Variants in SYT16 observed in about 807,000 individuals in gnomAD.
The protein encoded by SYT16 is synaptotagmin-16.
SYT16 carries 42 observed loss-of-function variants against 61.4 expected under a neutral mutation model. The observed-to-expected ratio is 0.68, with a 90% confidence interval of 0.53 to 0.89. SYT16 has a LOEUF of 0.89. Among genes scored for constraint, SYT16 ranks in the 40% least tolerant of loss-of-function variants. The probability of loss-of-function intolerance (pLI) is 0.00; values close to 1 mark genes in which losing one functional copy is unlikely to be tolerated. For synonymous variants in SYT16, 314 were observed against 302.3 expected (o/e 1.04, Z -0.40); for missense variants, 804 against 807.3 (o/e 1.00, Z 0.05).
intron 1 of SYT16, among the ~76,000 whole-genome samples, chr14:61,914,733 C>A (rs2049055119): frequency 6.6e-6 from 1 of 152,198 alleles, no homozygotes; most frequent in South Asian, 2.1e-4. Context: ...ATTGCTTTTA[C>A]CCAGTTATAA....
intron 3 of SYT16, among the ~76,000 whole-genome samples, chr14:62,023,767 G>A (rs1243103830): frequency 6.6e-6 from 1 of 152,114 alleles, no homozygotes; most frequent in African/African-American, 2.4e-5. Context: ...GCTTTTGTGG[G>A]ATGGTTATTC....
At chr14:61,940,317 G>C (rs2050157919) in intron 1 of SYT16, among the ~76,000 whole-genome samples, 1 of 150,596 alleles carries the variant, frequency 6.6e-6, no homozygotes, top group South Asian at 2.1e-4. Context: ...CCAAATTCTT[G>C]TTCCTCTCTC....
At chr14:62,083,046 T>C (rs2056762612) in intron 6 of SYT16, among the ~76,000 whole-genome samples, 1 of 152,082 alleles carries the variant, frequency 6.6e-6, no homozygotes, top group Non-Finnish European at 1.5e-5. Context: ...TAAGCAAATA[T>C]TTCATTGTTG....
At chr14:62,000,258 C>A (rs576297505) in intron 3 of SYT16, among the ~76,000 whole-genome samples, 2 of 151,378 alleles carry the variant, frequency 1.3e-5, no homozygotes, top group Non-Finnish European at 3.0e-5. Context: ...CTGTTAAGTA[C>A]GTACATGTAT....
chr14:61,975,352 T>A lies in SYT16; in HGVS notation c.-145+5041T>A, dbSNP rs2051743099. Among the ~76,000 whole-genome samples, 4 of 152,126 alleles carry A rather than the reference T, an allele frequency of 2.6e-5. No homozygotes were observed. The South Asian group carries it at 6.2e-4, about 24-fold the overall frequency. Reference sequence around the variant, plus strand: ...CAGACTAAACATTGCCTGACCCCAGTGGCCAAGATCTTAATTGCCTCATGT... The same window carrying A: ...CAGACTAAACATTGCCTGACCCCAGAGGCCAAGATCTTAATTGCCTCATGT... On this transcript the variant is annotated intron_variant, in intron 2 of 7. Transcript: ENST00000683842.
At chr14:62,019,844 A>C (rs1363088971) in intron 3 of SYT16, among the ~76,000 whole-genome samples, 1 of 152,196 alleles carries the variant, frequency 6.6e-6, no homozygotes, top group Non-Finnish European at 1.5e-5. Flanking sequence ...TGAGCTGCCC[A>C]CTACATCATT....
At chr14:61,858,707 G>C (rs1417796123) in intron 1 of SYT16, among the ~76,000 whole-genome samples, 1 of 152,112 alleles carries the variant, frequency 6.6e-6, no homozygotes, top group Non-Finnish European at 1.5e-5. Context: ...TTCTTCTCAA[G>C]AATGAAAAAC....
chr14:62,005,607 T>C (rs2053190547), intron 3 of SYT16, among the ~76,000 whole-genome samples: 1 of 152,132 alleles, frequency 6.6e-6, no homozygotes, highest in African/African-American at 2.4e-5. Flanking sequence ...CCCACTTCTT[T>C]CCATTTCACA....
At chr14:61,952,921 TCA>T (rs1376853132) in intron 1 of SYT16, among the ~76,000 whole-genome samples, 1 of 152,186 alleles carries the variant, frequency 6.6e-6, no homozygotes, top group Admixed American at 6.5e-5. Flanking sequence ...TTTTTATATT[TCA>T]CAGTTTCAGA....
At chr14:61,902,263 C>G (rs941835143) in intron 1 of SYT16, among the ~76,000 whole-genome samples, 1 of 152,132 alleles carries the variant, frequency 6.6e-6, no homozygotes. Context: ...AAATTACTTG[C>G]GATTCTCTCA....
chr14:61,989,632 G>A (rs1396296673), intron 2 of SYT16, among the ~76,000 whole-genome samples: 1 of 152,204 alleles, frequency 6.6e-6, no homozygotes, highest in Non-Finnish European at 1.5e-5. Flanking sequence ...TGCAAGAGTA[G>A]TGATTTTCCT....
rs970144320 is a variant in SYT16 at position 61,877,329 on chromosome 14, T to G, written c.-325+64519T>G. Among the ~76,000 whole-genome samples, 3 of 152,164 alleles carry G rather than the reference T, an allele frequency of 2.0e-5. No individual in the cohort carries two copies. The East Asian group carries it at 5.8e-4, about 29-fold the overall frequency. On this transcript the variant is annotated intron_variant, in intron 1 of 7. Coordinates refer to ENST00000683842, the MANE Select transcript of SYT16 (RefSeq NM_001367656.1). ...ACACACACTCCCACAGTCCGACAGT[T>G]AGGTCTGGGGTCAGGCAGGGAGGCA... is the stretch of plus-strand genomic sequence containing the variant.
chr14:62,082,681 C>T (rs1208761863), intron 6 of SYT16, among the ~76,000 whole-genome samples: 4 of 152,114 alleles, frequency 2.6e-5, no homozygotes, highest in East Asian at 3.9e-4. Context: ...TAAAGCACAT[C>T]GGAAATGATG....
At chr14:62,053,058 C>T (rs2055383183) in intron 3 of SYT16, among the ~76,000 whole-genome samples, 1 of 152,218 alleles carries the variant, frequency 6.6e-6, no homozygotes, top group Admixed American at 6.5e-5. Context: ...GAAGTACATG[C>T]TAGAAGACGC....
chr14:62,066,926 T>G (rs1328929831), intron 3 of SYT16, among the ~76,000 whole-genome samples: 1 of 151,918 alleles, frequency 6.6e-6, no homozygotes, highest in Admixed American at 6.6e-5. Flanking sequence ...GAACAGAAAA[T>G]TGTTTCACAG....
At position 62,107,020 on chromosome 14, in the gene SYT16, G is replaced by T. The variant is rs1251239432; in HGVS notation, c.*6313G>T. On this transcript the variant is annotated 3_prime_UTR_variant, in exon 8 of 8. Transcript: ENST00000683842. ...ACCAGTTTTACCTTGAGGATGATGAGAAGGCTGACTTCCTATTGTATTGCC... is the reference window on the plus strand; with the variant it reads ...ACCAGTTTTACCTTGAGGATGATGATAAGGCTGACTTCCTATTGTATTGCC... 4 of 151,746 alleles carry T rather than the reference G, an allele frequency of 2.6e-5. No homozygotes were observed. Among genetic ancestry groups the T allele is most frequent in the African/African-American group, 7.3e-5 (3 of 41,250 alleles). 9.4% of individuals were successfully genotyped at this position (151,746 alleles called of 1,614,324 possible).
At chr14:62,048,896 C>G (rs2055130649) in intron 3 of SYT16, among the ~76,000 whole-genome samples, 1 of 152,072 alleles carries the variant, frequency 6.6e-6, no homozygotes, top group South Asian at 2.1e-4. Flanking sequence ...TTACTTCCAA[C>G]TATGTGGCCA....
intron 3 of SYT16, among the ~76,000 whole-genome samples, chr14:62,050,730 A>C (rs1471573422): frequency 6.6e-6 from 1 of 152,122 alleles, no homozygotes; most frequent in Non-Finnish European, 1.5e-5. Flanking sequence ...AGTTTGCTGG[A>C]GGTCCACGCC....
chr14:61,882,130 A>G (rs2047722742), intron 1 of SYT16, among the ~76,000 whole-genome samples: 1 of 152,204 alleles, frequency 6.6e-6, no homozygotes, highest in Non-Finnish European at 1.5e-5. Context: ...TGATCCTTTT[A>G]AAAATACAGG....
Sources: allele counts gnomAD v4.1 joint callset (sites outside exome capture counted in the v4.1 genomes callset), GRCh38; gene constraint gnomAD v4.1.1; transcripts MANE v1.5; gene names NCBI Gene and HGNC (gene_info 2026-07-23, HGNC 2026-07-21).